HSF2: variants seen among roughly 807,000 people sequenced by gnomAD.
HSF2 encodes heat shock transcription factor 2, also known as heat shock factor protein 2.
A neutral mutation model predicts 65.0 loss-of-function variants in HSF2; 21 were observed. The observed-to-expected ratio is 0.32, with a 90% CI of 0.23 to 0.47. The LOEUF (loss-of-function observed/expected upper bound fraction) is 0.47. HSF2 is among the 20% of genes least tolerant of loss of function. The probability of loss-of-function intolerance (pLI) is 1.00; values close to 1 mark genes in which losing one functional copy is unlikely to be tolerated. For missense variants in HSF2, 499 were observed against 628.1 expected (o/e 0.79, Z 2.20); for synonymous variants, 225 against 219.1 (o/e 1.03, Z -0.24).
chr6:122,399,791 G>A lies in HSF2; in HGVS notation c.54G>A (p.Val18=), dbSNP rs1394294140. Residue 18 remains valine (V), a synonymous_variant, in exon 1 of 13, where the codon GTG becomes GTA. Transcript: ENST00000368455. ...PAFLSKLWTL[V]EETHTNEFIT... Reference sequence around the variant, plus strand: ...TCCTCAGCAAGCTGTGGACGCTTGTGGAGGAAACCCACACTAACGAGTTCA... The same window carrying A: ...TCCTCAGCAAGCTGTGGACGCTTGTAGAGGAAACCCACACTAACGAGTTCA... The A allele has an allele frequency of 1.9e-6, 3 of 1,612,350 alleles. No homozygotes were observed. In the East Asian group the frequency reaches 6.7e-5, roughly 36 times the overall value.
intron 1 of HSF2, among the ~76,000 whole-genome samples, chr6:122,408,379 A>C (rs1306410917): frequency 6.6e-6 from 1 of 151,792 alleles, no homozygotes; most frequent in Non-Finnish European, 1.5e-5. Flanking sequence ...AATTGGATCA[A>C]AACTATATAA....
intron 1 of HSF2, among the ~76,000 whole-genome samples, chr6:122,408,743 G>A (rs966038698): frequency 6.6e-6 from 1 of 151,986 alleles, no homozygotes; most frequent in Non-Finnish European, 1.5e-5. Flanking sequence ...AACTAAGAGT[G>A]AGTAGAAGCA....
At chr6:122,431,406 T>TAC (rs112204671) in intron 11 of HSF2, 24 bp from the exon 12 acceptor site, 179 of 1,051,994 alleles carry the variant, frequency 1.7e-4, no homozygotes, top group South Asian at 3.0e-4. Context: ...AACAAGTACT[T>TAC]ATATATATAT....
intron 4 of HSF2, among the ~76,000 whole-genome samples, chr6:122,415,682 A>G (rs939857294): frequency 2.6e-5 from 4 of 152,116 alleles, no homozygotes; most frequent in African/African-American, 9.7e-5. Context: ...GTTTCTGTGT[A>G]TCTATTGTCA....
chr6:122,431,590 T>G (rs1774470333), intron 12 of HSF2, 76 bp downstream of exon 12: 3 of 781,740 alleles, frequency 3.8e-6, no homozygotes, highest in Non-Finnish European at 6.4e-6. Context: ...CCGAGGGTAG[T>G]CTTAATTGAA....
rs10534323 is a variant in HSF2 at position 122,407,961 on chromosome 6, CAGAGAG to C, written c.94-4391_94-4386del. Among the ~76,000 whole-genome samples the C allele has an allele frequency of 3.0e-3, 444 of 148,732 alleles. 1 individual carries two copies. The highest frequency in any genetic ancestry group is 3.2e-3 in the Non-Finnish European group (218 of 67,090). The stretch of plus-strand genomic sequence containing the variant: ...CCTTCTCTCTGTGTCTTCCCAATGG[CAGAGAG>C]AGAGAGAGAGAGAGAGAGAGTGTGT... On this transcript the variant is annotated intron_variant, in intron 1 of 12. Transcript: ENST00000368455.
intron 7 of HSF2, among the ~76,000 whole-genome samples, chr6:122,421,737 A>G (rs1430902441): frequency 1.3e-5 from 2 of 152,118 alleles, no homozygotes; most frequent in Non-Finnish European, 2.9e-5. Context: ...AATAAAACAC[A>G]TTTCAAAACA....
intron 7 of HSF2, 151 bp from the exon 8 acceptor site, chr6:122,421,999 T>C (rs1296958229): frequency 1.8e-5 from 11 of 599,832 alleles, no homozygotes; most frequent in Non-Finnish European, 3.2e-5. Flanking sequence ...GTACCAATTA[T>C]TATGTAAGTT....
chr6:122,419,819 ATAT>A (rs1298092275), intron 6 of HSF2, among the ~76,000 whole-genome samples: 2 of 152,118 alleles, frequency 1.3e-5, no homozygotes, highest in Admixed American at 1.3e-4. Context: ...AGTTCTTATG[ATAT>A]TATCTATTTT....
intron 5 of HSF2, among the ~76,000 whole-genome samples, chr6:122,416,785 A>G (rs532071360): frequency 6.6e-6 from 1 of 152,346 alleles, no homozygotes; most frequent in East Asian, 1.9e-4. Context: ...GGAGAAAAGC[A>G]GTTAACATAG....
At chr6:122,399,982 C>A in intron 1 of HSF2, 152 bp downstream of exon 1, 1 of 593,520 alleles carries the variant, frequency 1.7e-6, no homozygotes, top group Non-Finnish European at 2.9e-6. Context: ...GGGGGACCCC[C>A]TGTATTGTTC....
Position 122,422,267 on chromosome 6 carries a change from A to G in HSF2, c.799A>G (p.Thr267Ala). ...DEENIPVIPE[T>A]NEDVISDPSN... The stretch of plus-strand genomic sequence containing the variant: ...AGAAAATATCCCAGTTATTCCAGAA[A>G]CTAATGAGGATGTTATATCTGATCC... The change falls in exon 8 of 13, where the codon ACT (threonine) becomes GCT (alanine). Residue 267 changes from threonine (T) to alanine (A), a missense_variant. Around this residue, in one of 2 missense-constraint regions of HSF2, gnomAD observed 349 missense variants for 393.5 expected, o/e 0.89. Transcript: ENST00000368455. 1 of 1,599,760 alleles carries G rather than the reference A, an allele frequency of 6.3e-7. No homozygotes were observed. The highest frequency in any genetic ancestry group is 8.6e-7 in the Non-Finnish European group (1 of 1,167,922).
At position 122,432,018 on chromosome 6, in the gene HSF2, C is replaced by T. The variant is rs563139603; in HGVS notation, c.1409C>T (p.Ser470Leu). The T allele has an allele frequency of 1.2e-6, 2 of 1,614,040 alleles. No individual in the cohort carries two copies. Among genetic ancestry groups the T allele is most frequent in the African/African-American group, 2.7e-5 (2 of 75,016 alleles). The change falls in exon 13 of 13, where the codon TCA (serine) becomes TTA (leucine). Residue 470 changes from serine to leucine, a missense_variant. Coordinates refer to ENST00000368455, the MANE Select transcript of HSF2 (RefSeq NM_004506.4). ...GTTGAACAGGCGAGTACAACAGCAT[C>T]ATCAGAAGTTTTGTCCTCTGTAGAT... The part of the protein sequence containing the change: ...SSVEQASTTA[S>L]SEVLSSVDKP...
At chr6:122,417,148 G>GT (rs376772134) in intron 5 of HSF2, among the ~76,000 whole-genome samples, 2,016 of 140,478 alleles carry the variant, frequency 0.014, 18 homozygotes, top group Middle Eastern at 0.027. Flanking sequence ...GATTTACTGT[G>GT]TTTTTTTTTT....
intron 4 of HSF2, 43 bp from the exon 5 acceptor site, chr6:122,416,178 T>C (rs888630939): frequency 1.6e-6 from 2 of 1,268,274 alleles, no homozygotes; most frequent in African/African-American, 1.5e-5. Context: ...GGTTTTTTGA[T>C]TGATTTTTTT....
At chr6:122,409,799 A>G (rs780195058) in intron 1 of HSF2, among the ~76,000 whole-genome samples, 1 of 151,970 alleles carries the variant, frequency 6.6e-6, no homozygotes, top group Non-Finnish European at 1.5e-5. Context: ...TTTATATTTT[A>G]TCTATATGTC....
chr6:122,413,285 T>A (rs1174494042), intron 3 of HSF2, among the ~76,000 whole-genome samples: 3 of 150,234 alleles, frequency 2.0e-5, no homozygotes, highest in Non-Finnish European at 4.4e-5. Context: ...GACTCTAAGA[T>A]ATTCCTGCTT....
intron 1 of HSF2, 51 bp downstream of exon 1, chr6:122,399,881 A>C: frequency 7.4e-7 from 1 of 1,344,336 alleles, no homozygotes; most frequent in East Asian, 2.3e-5. Context: ...CCGCCTCCTC[A>C]CTCGCTCTCC....
At chr6:122,408,826 TAGAATG>T in intron 1 of HSF2, among the ~76,000 whole-genome samples, 1 of 151,394 alleles carries the variant, frequency 6.6e-6, no homozygotes, top group East Asian at 1.9e-4. Context: ...TACTAGCTGT[TAGAATG>T]AGAGTTTTTA....
Sources: allele counts gnomAD v4.1 joint callset (sites outside exome capture counted in the v4.1 genomes callset), GRCh38; gene constraint gnomAD v4.1.1; regional missense constraint gnomAD v4.1.1; transcripts MANE v1.5; gene names NCBI Gene and HGNC (gene_info 2026-07-23, HGNC 2026-07-21).